SEC16B: variants seen among roughly 807,000 people sequenced by gnomAD.
The protein encoded by SEC16B is SEC16 homolog B, endoplasmic reticulum export factor, also known as protein transport protein Sec16B.
Under a neutral mutation model 141.8 loss-of-function variants are expected in SEC16B, and 115 were observed. The observed-to-expected ratio is 0.81, with a 90% CI of 0.70 to 0.95. The LOEUF (loss-of-function observed/expected upper bound fraction) is 0.95, where lower values mean the gene tolerates loss of function less well. Among genes scored for constraint, SEC16B ranks in the 40% least tolerant of loss-of-function variants. The pLI is 0.00. For missense variants in SEC16B, 1,291 were observed against 1,312.3 expected (o/e 0.98, Z 0.25); for synonymous variants, 493 against 492.5 (o/e 1.00, Z -0.01).
intron 6 of SEC16B, chr1:177,961,177 C>T: frequency 1.9e-6 from 1 of 521,456 alleles, no homozygotes. Context: ...TGATAATGCT[C>T]TCAGCCCAGA....
intron 15 of SEC16B, among the ~76,000 whole-genome samples, chr1:177,943,279 C>A (rs1651419203): frequency 6.6e-6 from 1 of 152,086 alleles, no homozygotes. Flanking sequence ...TTGGCAAAGC[C>A]CTTAAAAAAG....
chr1:177,961,733 G>A lies in SEC16B; in HGVS notation c.644C>T (p.Pro215Leu), dbSNP rs1458159378. 2.5e-6 allele frequency: 4 copies of A among 1,613,028 alleles called. No individual in the cohort carries two copies. The African/African-American group carries it at 4.0e-5, about 16-fold the overall frequency. Residue 215 changes from proline (P) to leucine (L), a missense_variant and splice_region_variant, in exon 6 of 26, where the codon CCA becomes CTA. By Grantham distance (98) the Pro-to-Leu change is moderately conservative (BLOSUM62 -3). Coordinates refer to ENST00000308284, the MANE Select transcript of SEC16B (RefSeq NM_033127.4). ...AAGGTTGGACTCACTAGCCAATGATGGCTGAAAGTTAAAAACAAAAACACA... is the reference window on the plus strand; with the variant it reads ...AAGGTTGGACTCACTAGCCAATGATAGCTGAAAGTTAAAAACAAAAACACA... ...SLLAEAQKNK[P>L]SLASESNLLQ... is the part of the protein sequence containing the mutation.
At chr1:177,960,998 G>C in intron 6 of SEC16B, 59 bp from the exon 7 acceptor site, 1 of 1,574,458 alleles carries the variant, frequency 6.4e-7, no homozygotes, top group South Asian at 1.2e-5. Flanking sequence ...CTTTTCTTTA[G>C]TTTAGGAATA....
chr1:177,983,509 G>T (rs1571368507), intron 1 of SEC16B, among the ~76,000 whole-genome samples: 1 of 149,936 alleles, frequency 6.7e-6, no homozygotes, highest in Non-Finnish European at 1.5e-5. Flanking sequence ...GAACATCAGA[G>T]TAAAAGGTCT....
chr1:177,944,862 C>T (rs1651560835), intron 14 of SEC16B, among the ~76,000 whole-genome samples, 196 bp from the exon 15 acceptor site: 1 of 152,100 alleles, frequency 6.6e-6, no homozygotes, highest in Non-Finnish European at 1.5e-5. Context: ...CCCTCTCCCT[C>T]CTTGAGGCTG....
chr1:177,975,082 A>T (rs980374353), upstream of SEC16B, among the ~76,000 whole-genome samples: 2 of 152,164 alleles, frequency 1.3e-5, no homozygotes, highest in African/African-American at 4.8e-5. Context: ...TTGGTAAGAG[A>T]CTTGAGAAAC....
Position 177,929,520 on chromosome 1 carries a change from T to C in SEC16B, c.*338A>G. The C allele has an allele frequency of 3.2e-6, 1 of 312,406 alleles. No individual in the cohort carries two copies. The highest frequency in any genetic ancestry group is 6.1e-6 in the Non-Finnish European group (1 of 164,428). The allele number at this position is 312,406 out of a possible 1,614,324, so 19.4% of individuals were successfully genotyped here. ...GCTACAGGGCCCTGCGGTATCATCT[T>C]TGATTCTAGCTGTTAGGGCCCTAAT... is the stretch of plus-strand genomic sequence containing the variant. On this transcript the variant is annotated 3_prime_UTR_variant, in exon 26 of 26. Transcript: ENST00000308284.
intron 11 of SEC16B, among the ~76,000 whole-genome samples, chr1:177,952,718 T>C (rs1343231862): frequency 1.3e-5 from 2 of 152,206 alleles, no homozygotes; most frequent in African/African-American, 4.8e-5. Flanking sequence ...AATGTGGGGC[T>C]GTGGGACGTT....
At chr1:177,975,967 G>T (rs1654154740) in intron 1 of SEC16B, among the ~76,000 whole-genome samples, 1 of 152,168 alleles carries the variant, frequency 6.6e-6, no homozygotes, top group South Asian at 2.1e-4. Context: ...GCCAAGAAAA[G>T]ATGGTGCCTG....
upstream of SEC16B, among the ~76,000 whole-genome samples, chr1:177,974,180 T>C (rs530005885): frequency 1.3e-5 from 2 of 152,096 alleles, no homozygotes; most frequent in Admixed American, 1.3e-4. Context: ...GTGGGGAAGA[T>C]GATGTGTTCA....
chr1:177,958,275 G>A lies in SEC16B; in HGVS notation c.1222C>T (p.Leu408Phe). Residue 408 changes from leucine (L) to phenylalanine (F), a missense_variant, in exon 10 of 26, where the codon CTC becomes TTC. Leu to Phe is a conservative substitution (Grantham distance 22). Coordinates refer to ENST00000308284, the MANE Select transcript of SEC16B (RefSeq NM_033127.4). ...CAGTCCTCATCGGTCAGGTTGATGA[G>A]GTTGGCCACAGGGGGCTGCCGCTTG... The part of the protein sequence containing the change: ...KYKRQPPVAN[L>F]INLTDEDWPV... 1.2e-6 allele frequency: 2 copies of A among 1,610,942 alleles called. No homozygotes were observed. The highest frequency in any genetic ancestry group is 1.1e-5 in the South Asian group (1 of 89,926).
At chr1:177,947,045 C>G (rs1257761484) in intron 13 of SEC16B, among the ~76,000 whole-genome samples, 3 of 152,208 alleles carry the variant, frequency 2.0e-5, no homozygotes, top group Non-Finnish European at 2.9e-5. Context: ...CAATACCTAG[C>G]ACAGTGCCTG....
intron 25 of SEC16B, 33 bp downstream of exon 25, chr1:177,930,512 C>A: frequency 6.6e-7 from 1 of 1,515,230 alleles, no homozygotes; most frequent in South Asian, 1.1e-5. Context: ...ACCTGTACTC[C>A]TGGCCAGCCC....
At chr1:177,952,560 C>T (rs1652274684) in intron 11 of SEC16B, among the ~76,000 whole-genome samples, 1 of 152,264 alleles carries the variant, frequency 6.6e-6, no homozygotes, top group East Asian at 1.9e-4. Flanking sequence ...GATGACAAAC[C>T]ATGGGATATG....
chr1:177,944,409 G>A, intron 15 of SEC16B, 152 bp downstream of exon 15: 1 of 627,738 alleles, frequency 1.6e-6, no homozygotes. Flanking sequence ...GACATAAAAA[G>A]AAATCCTACA....
At chr1:177,963,907 G>T (rs1217421670) in intron 5 of SEC16B, among the ~76,000 whole-genome samples, 3 of 152,226 alleles carry the variant, frequency 2.0e-5, no homozygotes, top group South Asian at 4.1e-4. Flanking sequence ...GTATGTTGGA[G>T]TGAGCTAGGT....
chr1:177,974,574 C>T (rs189081592), upstream of SEC16B, among the ~76,000 whole-genome samples: 3 of 151,144 alleles, frequency 2.0e-5, no homozygotes, highest in Non-Finnish European at 2.9e-5. Flanking sequence ...CTCTGGATCA[C>T]TGGATTTGAC....
At position 177,958,907 on chromosome 1, in the gene SEC16B, T is replaced by C; in HGVS notation, c.1067A>G (p.Glu356Gly). The change falls in exon 9 of 26, where the codon GAG (glutamate) becomes GGG (glycine). Residue 356 changes from glutamate to glycine, a missense_variant. Glu to Gly is a moderately conservative substitution (Grantham distance 98, BLOSUM62 -2). Coordinates refer to ENST00000308284, the MANE Select transcript of SEC16B (RefSeq NM_033127.4). Reference sequence around the variant, plus strand: ...AGCTGAGTCTCTGCTCCCCAGTGTCTCAGATTTGCAGCTCTGAGCTGCTTT... The same window carrying C: ...AGCTGAGTCTCTGCTCCCCAGTGTCCCAGATTTGCAGCTCTGAGCTGCTTT... ...QQKAAQSCKS[E>G]TLGSRDSALL... 1.2e-6 allele frequency: 2 copies of C among 1,613,786 alleles called. No homozygotes were observed. The highest frequency in any genetic ancestry group is 1.7e-6 in the Non-Finnish European group (2 of 1,179,784).
At chr1:177,967,281 A>G (rs1382291888) in intron 2 of SEC16B, among the ~76,000 whole-genome samples, 1 of 152,198 alleles carries the variant, frequency 6.6e-6, no homozygotes, top group Non-Finnish European at 1.5e-5. Context: ...AGAGTGGTCC[A>G]ATGACAACGA....
Sources: allele counts gnomAD v4.1 joint callset (sites outside exome capture counted in the v4.1 genomes callset), GRCh38; gene constraint gnomAD v4.1.1; transcripts MANE v1.5; gene names NCBI Gene and HGNC (gene_info 2026-07-23, HGNC 2026-07-21).